Variants in DYNC1I2 observed in about 807,000 individuals in gnomAD.
The protein encoded by DYNC1I2 is cytoplasmic dynein 1 intermediate chain 2.
In DYNC1I2, 53 loss-of-function variants were observed where a neutral mutation model predicts 88.6. That is an observed-to-expected ratio of 0.60 (90% CI 0.48 to 0.75). The LOEUF is 0.75. Among genes scored for constraint, DYNC1I2 ranks in the 30% least tolerant of loss-of-function variants. The pLI is 0.00. For missense variants in DYNC1I2, 458 were observed against 766.6 expected, an observed-to-expected ratio of 0.60 and a Z score of 4.75; for synonymous variants, 198 against 254.6, an observed-to-expected ratio of 0.78 and a Z score of 2.12.
Position 171,693,698 on chromosome 2 carries a change from G to A in DYNC1I2, c.226+804G>A, listed in dbSNP as rs112227756. On this transcript the variant is annotated intron_variant, in intron 3 of 17. Transcript: ENST00000397119. ...CTGCAACATAACTGTCCTTAGAGCT[G>A]ATATTTCTAAAAGGTTTCAAGATGA... Among the ~76,000 whole-genome samples, 39 of 152,284 alleles carry A rather than the reference G, an allele frequency of 2.6e-4. 3 individuals are homozygous for A. Among genetic ancestry groups the A allele is most frequent in the African/African-American group, 8.9e-4 (37 of 41,562 alleles).
At chr2:171,713,010 A>C (rs778817615) in intron 6 of DYNC1I2, among the ~76,000 whole-genome samples, 184 bp downstream of exon 6, 1 of 152,122 alleles carries the variant, frequency 6.6e-6, no homozygotes, top group South Asian at 2.1e-4. Flanking sequence ...GTGATGTTCT[A>C]TGTACCCTGA....
chr2:171,707,310 T>A lies in DYNC1I2; in HGVS notation c.268T>A (p.Ser90Thr), dbSNP rs1306516116. 6.2e-7 allele frequency: 1 copy of A among 1,613,744 alleles called. No homozygotes were observed. The highest frequency in any genetic ancestry group is 1.3e-5 in the African/African-American group (1 of 74,932). Reference sequence around the variant, plus strand: ...AGTCCCTCCTCCTATGTCTCCATCCTCCAAATCTGTGAGCACTCCAAGTGA... The same window carrying A: ...AGTCCCTCCTCCTATGTCTCCATCCACCAAATCTGTGAGCACTCCAAGTGA... ...YWVPPPMSPS[S>T]KSVSTPSEAG... is the part of the protein sequence containing the mutation. Residue 90 changes from serine (S) to threonine (T), a missense_variant, in exon 5 of 18, where the codon TCC (serine) becomes ACC (threonine). By Grantham distance (58) the Ser-to-Thr change is moderately conservative. Around this residue, in one of 5 missense-constraint regions of DYNC1I2, gnomAD observed 203 missense variants for 354.2 expected, o/e 0.57. Transcript: ENST00000397119.
At chr2:171,711,400 G>A (rs1458325539) in intron 5 of DYNC1I2, among the ~76,000 whole-genome samples, 2 of 152,134 alleles carry the variant, frequency 1.3e-5, no homozygotes, top group African/African-American at 4.8e-5. Context: ...ATAATGTACA[G>A]GTATGTCCAG....
chr2:171,715,422 G>A lies in DYNC1I2; in HGVS notation c.490G>A (p.Val164Ile). Residue 164 changes from valine to isoleucine, a missense_variant, in exon 7 of 18, where the codon GTT becomes ATT. Physicochemically the swap from Val to Ile is conservative, Grantham distance 29. Around this residue, in one of 5 missense-constraint regions of DYNC1I2, gnomAD observed 203 missense variants for 354.2 expected, o/e 0.57. Coordinates refer to ENST00000397119, the MANE Select transcript of DYNC1I2 (RefSeq NM_001378.3). ...VTYTKETQTP[V>I]MAQPKEDEEE... ...GTATACAAAGGAAACTCAGACTCCA[G>A]TTATGGCTCAACCCAAAGAAGGTGA... The A allele has an allele frequency of 6.4e-7, 1 of 1,566,330 alleles. No homozygotes were observed. Among genetic ancestry groups the A allele is most frequent in the Non-Finnish European group, 8.7e-7 (1 of 1,153,674 alleles).
At chr2:171,714,605 C>T (rs147816946) in intron 6 of DYNC1I2, among the ~76,000 whole-genome samples, 1 of 152,262 alleles carries the variant, frequency 6.6e-6, no homozygotes, top group East Asian at 1.9e-4. Context: ...TCCTCAGCCA[C>T]AGCTCTCTTC....
At chr2:171,725,800 T>G in intron 8 of DYNC1I2, 87 bp downstream of exon 8, 1 of 1,274,576 alleles carries the variant, frequency 7.8e-7, no homozygotes, top group African/African-American at 1.5e-5. Context: ...TGAAATGCTG[T>G]AAATCAAATA....
chr2:171,739,961 C>T (rs1389529148), intron 15 of DYNC1I2, among the ~76,000 whole-genome samples: 1 of 152,112 alleles, frequency 6.6e-6, no homozygotes, highest in African/African-American at 2.4e-5. Context: ...CTGCCTCAGC[C>T]CTCCTCGGCT....
At chr2:171,728,537 T>C (rs111749420) in intron 13 of DYNC1I2, 119 bp downstream of exon 13, 3 of 803,034 alleles carry the variant, frequency 3.7e-6, no homozygotes, top group Non-Finnish European at 1.9e-6. Context: ...GCTTATAAGC[T>C]GAAACGTGTT....
chr2:171,716,798 C>T (rs1360101964), intron 7 of DYNC1I2, among the ~76,000 whole-genome samples: 2 of 151,804 alleles, frequency 1.3e-5, no homozygotes, highest in Non-Finnish European at 2.9e-5. Context: ...CCCAACTACT[C>T]TGGAGGCTGA....
At chr2:171,735,591 G>A (rs148327361) in intron 15 of DYNC1I2, among the ~76,000 whole-genome samples, 9 of 152,296 alleles carry the variant, frequency 5.9e-5, no homozygotes, top group African/African-American at 1.2e-4. Flanking sequence ...ATTATTTTCC[G>A]TGTATGGAAG....
chr2:171,699,644 G>A (rs1243654356), intron 3 of DYNC1I2, among the ~76,000 whole-genome samples: 3 of 149,988 alleles, frequency 2.0e-5, no homozygotes, highest in African/African-American at 7.4e-5. Flanking sequence ...GGCGGCGGGC[G>A]GGGGTGCAGT....
rs1685289886 is a variant in DYNC1I2, at chr2:171,690,242, A to G, written c.87A>G (p.Glu29=). 1 of 1,547,004 alleles carries G rather than the reference A, an allele frequency of 6.5e-7. No homozygotes were observed. The highest frequency in any genetic ancestry group is 8.7e-7 in the Non-Finnish European group (1 of 1,145,454). ...AQIREEKKRK[E]EERKKKETDQ... ...TCAGAGAGGAAAAGAAGAGAAAAGA[A>G]GAAGAAAGGAAAAAAAAAGAAGTAT... The change falls in exon 2 of 18, where the codon GAA becomes GAG. Residue 29 remains glutamate (E), a synonymous_variant. Transcript: ENST00000397119.
chr2:171,698,185 T>C (rs1336267494), intron 3 of DYNC1I2, among the ~76,000 whole-genome samples: 1 of 152,174 alleles, frequency 6.6e-6, no homozygotes, highest in Non-Finnish European at 1.5e-5. Flanking sequence ...TAATTAAGAG[T>C]TGCAGCATTG....
At chr2:171,745,973 A>T (rs745647392) in intron 17 of DYNC1I2, 46 bp downstream of exon 17, 1 of 1,608,164 alleles carries the variant, frequency 6.2e-7, no homozygotes, top group Non-Finnish European at 8.5e-7. Context: ...ATTTAGTTGC[A>T]TTGTAGTAAA....
chr2:171,704,782 T>G (rs1459188553), intron 3 of DYNC1I2, among the ~76,000 whole-genome samples: 3 of 152,196 alleles, frequency 2.0e-5, no homozygotes, highest in Non-Finnish European at 4.4e-5. Context: ...GGTATTTGCC[T>G]TCTTGCATAA....
chr2:171,714,584 T>C (rs781141160), intron 6 of DYNC1I2, among the ~76,000 whole-genome samples: 4 of 152,126 alleles, frequency 2.6e-5, no homozygotes, highest in Non-Finnish European at 4.4e-5. Flanking sequence ...TATTTTTCTT[T>C]TGGTTCATTT....
chr2:171,712,738 T>C, intron 5 of DYNC1I2, 29 bp from the exon 6 acceptor site: 1 of 1,585,794 alleles, frequency 6.3e-7, no homozygotes, highest in Non-Finnish European at 8.6e-7. Context: ...TTTTTGCTAA[T>C]GCTTCATGGT....
chr2:171,743,514 G>A (rs766419852), intron 15 of DYNC1I2, among the ~76,000 whole-genome samples: 9 of 152,184 alleles, frequency 5.9e-5, no homozygotes, highest in Non-Finnish European at 1.3e-4. Flanking sequence ...GTGAGGTTCT[G>A]TTCTCCACCT....
At chr2:171,694,254 C>T (rs1189581270) in intron 3 of DYNC1I2, among the ~76,000 whole-genome samples, 2 of 152,072 alleles carry the variant, frequency 1.3e-5, no homozygotes, top group African/African-American at 4.8e-5. Flanking sequence ...CCAGGCTGGT[C>T]TCGAACTCCT....
Sources: gnomAD v4.1 joint callset for allele counts (sites outside exome capture counted in the v4.1 genomes callset) on GRCh38, gnomAD v4.1.1 for gene constraint, gnomAD v4.1.1 regional missense constraint, MANE v1.5 for transcripts, NCBI Gene and HGNC (gene_info 2026-07-23, HGNC 2026-07-21) for gene names.